Variants in SCN7A observed in about 807,000 individuals in gnomAD.
SCN7A encodes the protein sodium voltage-gated channel alpha subunit 7.
In SCN7A, 138 loss-of-function variants were observed where a neutral mutation model predicts 155.2. That is an observed-to-expected ratio of 0.89 (90% CI 0.77 to 1.02). The LOEUF is 1.02. Among genes scored for constraint, SCN7A ranks in the 50% least tolerant of loss-of-function variants. SCN7A has a pLI of 0.00. For missense variants in SCN7A, 2,058 were observed against 1,986.6 expected, an observed-to-expected ratio of 1.04 and a Z score of -0.68; for synonymous variants, 693 against 649.0, an observed-to-expected ratio of 1.07 and a Z score of -1.03.
chr2:166,454,333 T>C (rs1559112951), intron 11 of SCN7A, among the ~76,000 whole-genome samples: 1 of 152,218 alleles, frequency 6.6e-6, no homozygotes, highest in Non-Finnish European at 1.5e-5. Flanking sequence ...CTCAATAGGC[T>C]TTTTTATACA....
At chr2:166,451,740 A>G (rs1391145011) in intron 11 of SCN7A, among the ~76,000 whole-genome samples, 1 of 152,138 alleles carries the variant, frequency 6.6e-6, no homozygotes, top group African/African-American at 2.4e-5. Flanking sequence ...TTTCCGACTC[A>G]GAGAATCCTT....
At chr2:166,452,302 A>T (rs562851294) in intron 11 of SCN7A, among the ~76,000 whole-genome samples, 44 of 152,092 alleles carry the variant, frequency 2.9e-4, no homozygotes, top group Non-Finnish European at 4.9e-4. Context: ...CTGAGAAAAA[A>T]AAGCAATTGG....
intron 11 of SCN7A, among the ~76,000 whole-genome samples, chr2:166,452,544 A>C (rs1575039438): frequency 6.6e-6 from 1 of 152,148 alleles, no homozygotes; most frequent in East Asian, 1.9e-4. Context: ...ACAATTGTCA[A>C]TCATTTTTTA....
chr2:166,433,461 A>C (rs530001524), intron 15 of SCN7A, among the ~76,000 whole-genome samples: 1 of 152,268 alleles, frequency 6.6e-6, no homozygotes, highest in Non-Finnish European at 1.5e-5. Context: ...TTGTATAGCA[A>C]GAATTTATTT....
intron 15 of SCN7A, chr2:166,436,493 T>G (rs540461645): frequency 9.7e-5 from 35 of 361,898 alleles, no homozygotes; most frequent in South Asian, 7.2e-4. Context: ...TATCCAGCCT[T>G]GGTTACACCC....
In SCN7A at chr2:166,471,366, G is replaced by A. The variant is rs114729877; in HGVS notation, c.573-660C>T. Reference sequence around the variant, plus strand: ...TGAGAGATTTAATGAATTAATTTATGTGAAGTACATAGAAGAGCACCTGGC... The same window carrying A: ...TGAGAGATTTAATGAATTAATTTATATGAAGTACATAGAAGAGCACCTGGC... On this transcript the variant is annotated intron_variant, in intron 6 of 25. Transcript: ENST00000643258. Among the ~76,000 whole-genome samples the A allele has an allele frequency of 5.0e-3, 765 of 151,928 alleles. 5 individuals carry two copies. Among genetic ancestry groups the A allele is most frequent in the African/African-American group, 0.017 (712 of 41,502 alleles).
intron 12 of SCN7A, among the ~76,000 whole-genome samples, chr2:166,445,891 A>G (rs2105442780): frequency 6.6e-6 from 1 of 152,344 alleles, no homozygotes; most frequent in South Asian, 2.1e-4. Context: ...GATGGATTAA[A>G]GACTTAAATG....
chr2:166,473,728 A>C (rs1442758580), intron 5 of SCN7A, 71 bp downstream of exon 5: 1 of 367,516 alleles, frequency 2.7e-6, no homozygotes, highest in Non-Finnish European at 4.7e-6. Context: ...AATGTTATTA[A>C]AATAAAATGT....
At chr2:166,490,744 C>T (rs973272198) in intron 1 of SCN7A, among the ~76,000 whole-genome samples, 1 of 152,134 alleles carries the variant, frequency 6.6e-6, no homozygotes, top group African/African-American at 2.4e-5. Context: ...TGGCTATTTA[C>T]CTCTGCTTCT....
At chr2:166,447,766 T>C (rs1257909497) in intron 11 of SCN7A, 58 bp from the exon 12 acceptor site, 3 of 1,232,032 alleles carry the variant, frequency 2.4e-6, no homozygotes, top group Non-Finnish European at 3.6e-6. Flanking sequence ...TCCAAGACTA[T>C]AAGAAGGTGC....
At chr2:166,430,074 A>G (rs1701702515) in intron 16 of SCN7A, among the ~76,000 whole-genome samples, 1 of 152,066 alleles carries the variant, frequency 6.6e-6, no homozygotes, top group Non-Finnish European at 1.5e-5. Context: ...TATAAGTAAT[A>G]TTTTCTAATT....
intron 2 of SCN7A, among the ~76,000 whole-genome samples, chr2:166,479,934 G>A (rs1702882882): frequency 1.3e-5 from 2 of 151,988 alleles, no homozygotes; most frequent in African/African-American, 2.4e-5. Flanking sequence ...CCAGACTAAT[G>A]GTATAAAAAC....
chr2:166,473,687 TTATAA>T (rs1338883865), intron 5 of SCN7A, 107 bp downstream of exon 5: 4 of 261,314 alleles, frequency 1.5e-5, no homozygotes, highest in Admixed American at 5.5e-5. Context: ...ATTAAATTTA[TTATAA>T]TATAAAATAT....
Position 166,405,843 on chromosome 2 carries a change from C to G in SCN7A, c.4786G>C (p.Val1596Leu), listed in dbSNP as rs3791251. 0.096 allele frequency: 154,956 copies of G among 1,612,964 alleles called. 8,123 individuals are homozygous for G. The highest frequency in any genetic ancestry group is 0.18 in the Middle Eastern group (1,060 of 6,054). ...AAAAACCCTGATTCTATTTCTGAAA[C>G]AACTTTCTCCATCCTCACATCTTGA... ...MGQDVRMEKVVSEIESGFLLA... is the reference protein window; with the variant it reads ...MGQDVRMEKVLSEIESGFLLA... The change falls in exon 26 of 26, where the codon GTT (valine) becomes CTT (leucine). Residue 1596 changes from valine (V) to leucine (L), a missense_variant. Val to Leu is a conservative substitution (Grantham distance 32, BLOSUM62 1). Transcript: ENST00000643258.
chr2:166,466,050 C>A (rs1450633265), intron 7 of SCN7A, 63 bp from the exon 8 acceptor site: 1 of 1,180,694 alleles, frequency 8.5e-7, no homozygotes. Flanking sequence ...TATTGGCAAA[C>A]CTCTCCCACA....
At chr2:166,431,301 A>G (rs1343032951) in intron 16 of SCN7A, among the ~76,000 whole-genome samples, 1 of 152,146 alleles carries the variant, frequency 6.6e-6, no homozygotes, top group East Asian at 1.9e-4. Flanking sequence ...TCTAACTAAA[A>G]TAAAGATGGC....
In SCN7A at chr2:166,462,135, CTT is replaced by C. The variant is rs1380159679; in HGVS notation, c.1083+252_1083+253del. The stretch of plus-strand genomic sequence containing the variant: ...GCACACATACAAATACACACACTCT[CTT>C]CTCTCTCTCCTCTCTTCTCTCTCTC... On this transcript the variant is annotated intron_variant, in intron 10 of 25. Coordinates refer to ENST00000643258, the MANE Select transcript of SCN7A (RefSeq NM_002976.4). 1.8e-5 allele frequency: 5 copies of C among 272,826 alleles called. No homozygotes were observed. In the East Asian group the frequency reaches 1.9e-4, roughly 10 times the overall value. The allele number at this position is 272,826 out of a possible 1,614,324, so 16.9% of individuals were successfully genotyped here. A position where few individuals can be genotyped will look rare whatever the true frequency, so the allele number is the denominator to read the frequency against.
intron 21 of SCN7A, among the ~76,000 whole-genome samples, chr2:166,413,369 A>C (rs1308371143): frequency 6.6e-6 from 1 of 152,126 alleles, no homozygotes; most frequent in Non-Finnish European, 1.5e-5. Context: ...ATAGAGAAAC[A>C]GATATATAAA....
At chr2:166,425,491 T>C (rs1397539296) in intron 18 of SCN7A, among the ~76,000 whole-genome samples, 1 of 152,080 alleles carries the variant, frequency 6.6e-6, no homozygotes, top group Non-Finnish European at 1.5e-5. Flanking sequence ...CACAACTCTA[T>C]ATACTCTCAT....
Sources: allele counts gnomAD v4.1 joint callset (sites outside exome capture counted in the v4.1 genomes callset), GRCh38; gene constraint gnomAD v4.1.1; transcripts MANE v1.5; gene names NCBI Gene and HGNC (gene_info 2026-07-23, HGNC 2026-07-21).